PPFIBP2: variants seen among roughly 807,000 people sequenced by gnomAD.
PPFIBP2 encodes PPFIB scaffold protein 2.
Under a neutral mutation model 118.3 loss-of-function variants are expected in PPFIBP2, and 118 were observed. The observed-to-expected ratio is 1.00, with a 90% confidence interval of 0.86 to 1.16. PPFIBP2 has a LOEUF of 1.16. Ranked by LOEUF, PPFIBP2 falls within the 50% of genes most tolerant of loss-of-function variation. PPFIBP2 has a pLI of 0.00. For missense variants in PPFIBP2, 1,195 were observed against 1,073.1 expected, an observed-to-expected ratio of 1.11 and a Z score of -1.59; for synonymous variants, 414 against 397.4, an observed-to-expected ratio of 1.04 and a Z score of -0.50.
chr11:7,622,204 C>G (rs1227840555), intron 7 of PPFIBP2, among the ~76,000 whole-genome samples: 1 of 152,180 alleles, frequency 6.6e-6, no homozygotes, highest in Non-Finnish European at 1.5e-5. Flanking sequence ...AAAGCAGGAG[C>G]AAGTGAGAGA....
At chr11:7,589,609 C>T (rs1047555973) in intron 3 of PPFIBP2, among the ~76,000 whole-genome samples, 2 of 149,364 alleles carry the variant, frequency 1.3e-5, no homozygotes, top group African/African-American at 4.9e-5. Flanking sequence ...ACAACCCCCT[C>T]CCAAAAAAAA....
chr11:7,665,871 G>T, the PPFIBP2 span: 1 of 1,536,134 alleles, frequency 6.5e-7, no homozygotes, highest in South Asian at 1.2e-5. Flanking sequence ...GTCCGGCAGG[G>T]TGTGGCCTGG....
intron 3 of PPFIBP2, among the ~76,000 whole-genome samples, chr11:7,592,252 C>T (rs1859461979): frequency 6.6e-6 from 1 of 152,144 alleles, no homozygotes. Context: ...AGCTTGGTGA[C>T]ATTAGCTCCT....
intron 4 of PPFIBP2, among the ~76,000 whole-genome samples, chr11:7,596,201 C>T (rs969672474): frequency 1.1e-4 from 17 of 152,234 alleles, no homozygotes; most frequent in African/African-American, 4.1e-4. Flanking sequence ...TAAGATTAAC[C>T]AGAAAACATC....
chr11:7,592,794 C>G (rs1859573524), intron 3 of PPFIBP2, among the ~76,000 whole-genome samples: 1 of 152,220 alleles, frequency 6.6e-6, no homozygotes, highest in South Asian at 2.1e-4. Flanking sequence ...CTCATTGTCG[C>G]CATGCCTCTG....
chr11:7,643,511 G>C (rs970341903), intron 17 of PPFIBP2, among the ~76,000 whole-genome samples: 2 of 152,208 alleles, frequency 1.3e-5, no homozygotes, highest in African/African-American at 4.8e-5. Flanking sequence ...AGGCTGCTTT[G>C]TTCAAATGTC....
rs772600294 is a variant in PPFIBP2, at chr11:7,610,355, T to C, written c.551T>C (p.Leu184Pro). The change falls in exon 6 of 24, where the codon CTG becomes CCG. Residue 184 changes from leucine (L) to proline (P), a missense_variant. Coordinates refer to ENST00000299492, the MANE Select transcript of PPFIBP2 (RefSeq NM_003621.5). ...KLDLMTEVSE[L>P]KLKLVGMEKE... ...GATCTGATGACTGAAGTGTCTGAGC[T>C]GAAGCTCAAGCTGGTTGGCATGGAG... 5.6e-6 allele frequency: 9 copies of C among 1,614,182 alleles called. No homozygotes were observed. In the Admixed American group the frequency reaches 1.5e-4, roughly 27 times the overall value.
In PPFIBP2 at chr11:7,635,570, C is replaced by A. The variant is rs752199176; in HGVS notation, c.1213C>A (p.Pro405Thr). 1.2e-6 allele frequency: 2 copies of A among 1,611,322 alleles called. No individual in the cohort carries two copies. The highest frequency in any genetic ancestry group is 1.7e-6 in the Non-Finnish European group (2 of 1,177,424). ...TCCATAGTGTATGGATGGGAACCAGCCCTTCCCGGTGTTAGAACCCAAGGT... is the reference window on the plus strand; with the variant it reads ...TCCATAGTGTATGGATGGGAACCAGACCTTCCCGGTGTTAGAACCCAAGGT... The part of the protein sequence containing the change: ...SVDKCMDGNQ[P>T]FPVLEPKDSP... Residue 405 changes from proline (P) to threonine (T), a missense_variant, in exon 14 of 24, where the codon CCC becomes ACC. Transcript: ENST00000299492.
chr11:7,540,178 A>G (rs1851631426), intron 1 of PPFIBP2, among the ~76,000 whole-genome samples: 1 of 152,110 alleles, frequency 6.6e-6, no homozygotes, highest in Non-Finnish European at 1.5e-5. Context: ...AGCGTTGTGA[A>G]TGCTGGGAAG....
At chr11:7,611,761 T>A (rs1427213546) in intron 6 of PPFIBP2, among the ~76,000 whole-genome samples, 4 of 152,266 alleles carry the variant, frequency 2.6e-5, no homozygotes, top group Non-Finnish European at 5.9e-5. Flanking sequence ...ATAGTAATAG[T>A]TAGCTTTTAT....
Position 7,565,575 on chromosome 11 carries a change from T to TA in PPFIBP2, c.88dup (p.Ser30LysfsTer2), listed in dbSNP as rs764855410. On this transcript the variant is annotated frameshift_variant, in exon 3 of 24. Coordinates refer to ENST00000299492, the MANE Select transcript of PPFIBP2 (RefSeq NM_003621.5). LOFTEE classifies it high-confidence loss of function. ...CAGGCACTAAAACAGGTGCAGATCT[T>TA]AGTGATGGTACTTGTGAGCCTGGAC... The TA allele has an allele frequency of 5.6e-6, 9 of 1,614,022 alleles. No homozygotes were observed. In the African/African-American group the frequency reaches 1.2e-4, roughly 22 times the overall value.
At chr11:7,530,251 T>TA (rs1850575341) in intron 1 of PPFIBP2, among the ~76,000 whole-genome samples, 1 of 152,222 alleles carries the variant, frequency 6.6e-6, no homozygotes, top group East Asian at 1.9e-4. Context: ...GCAGATATTA[T>TA]ATCCATTACA....
chr11:7,612,737 A>G (rs1034288016), intron 6 of PPFIBP2, among the ~76,000 whole-genome samples: 1 of 152,226 alleles, frequency 6.6e-6, no homozygotes, highest in Admixed American at 6.5e-5. Flanking sequence ...ACGTGGAGGA[A>G]TTCTGTAGGC....
In PPFIBP2 at chr11:7,645,095, C is replaced by G. The variant is rs7948188; in HGVS notation, c.1646+2669C>G. ...ACACAACCAGTTTTAAGACTGCTGA[C>G]TATTTTTACTGCAACTTTCCCTTGG... On this transcript the variant is annotated intron_variant, in intron 17 of 23. Coordinates refer to ENST00000299492, the MANE Select transcript of PPFIBP2 (RefSeq NM_003621.5). 6.1e-3 allele frequency among the ~76,000 whole-genome samples: 856 copies of G among 141,206 alleles called. 5 individuals carry two copies. Among genetic ancestry groups the G allele is most frequent in the African/African-American group, 0.021 (801 of 38,266 alleles). The allele number at this position is 141,206 out of a possible 152,430, so 92.6% of individuals were successfully genotyped here. A position where few individuals can be genotyped will look rare whatever the true frequency, so the allele number is the denominator to read the frequency against.
At chr11:7,657,812 C>T (rs1487455974), downstream of PPFIBP2, among the ~76,000 whole-genome samples, 1 of 152,202 alleles carries the variant, frequency 6.6e-6, no homozygotes, top group African/African-American at 2.4e-5. Flanking sequence ...CCGTGTCTGC[C>T]CTTGAGCCAG....
At chr11:7,553,388 A>G (rs1853223203) in intron 2 of PPFIBP2, among the ~76,000 whole-genome samples, 1 of 152,180 alleles carries the variant, frequency 6.6e-6, no homozygotes, top group Non-Finnish European at 1.5e-5. Context: ...TTCTTGATAA[A>G]AAGAATGATC....
Position 7,616,003 on chromosome 11 carries a change from A to G in PPFIBP2, c.619-4932A>G, listed in dbSNP as rs1171566288. 2.6e-5 allele frequency among the ~76,000 whole-genome samples: 4 copies of G among 152,330 alleles called. No individual in the cohort carries two copies. The South Asian group carries it at 8.3e-4, about 32-fold the overall frequency. ...GTTTAGAGGTCTCTTGAAAGGAAGTAGTTTTCAGAGGGGCTTCTACAAAAG... is the reference window on the plus strand; with the variant it reads ...GTTTAGAGGTCTCTTGAAAGGAAGTGGTTTTCAGAGGGGCTTCTACAAAAG... On this transcript the variant is annotated intron_variant, in intron 6 of 23. Transcript: ENST00000299492. The surrounding 1 kb of genome is among the most constrained non-coding windows in gnomAD (Gnocchi z 5.2).
At chr11:7,628,632 A>G (rs555279351) in intron 9 of PPFIBP2, among the ~76,000 whole-genome samples, 150 of 152,276 alleles carry the variant, frequency 9.9e-4, no homozygotes, top group Non-Finnish European at 1.6e-3. Context: ...ATCACTGCCA[A>G]TATCATAGCT....
intron 3 of PPFIBP2, among the ~76,000 whole-genome samples, chr11:7,567,936 C>A (rs932027105): frequency 6.6e-6 from 1 of 152,194 alleles, no homozygotes; most frequent in African/African-American, 2.4e-5. Context: ...CCTGGAGACT[C>A]AGTTGAATTA....
Sources: allele counts gnomAD v4.1 joint callset (sites outside exome capture counted in the v4.1 genomes callset), GRCh38; gene constraint gnomAD v4.1.1; non-coding constraint Gnocchi (gnomAD v3.1); transcripts MANE v1.5; gene names NCBI Gene and HGNC (gene_info 2026-07-23, HGNC 2026-07-21).